Variants in TFEC observed in about 807,000 individuals in gnomAD.
TFEC encodes the protein transcription factor EC, also known as class E basic helix-loop-helix protein 34.
In TFEC, 31 loss-of-function variants were observed where a neutral mutation model predicts 41.6. The ratio of observed to expected loss-of-function variants is 0.74; its 90% CI spans 0.56 to 1.01. The LOEUF is 1.01. Ranked by LOEUF, TFEC falls within the 50% of genes least tolerant of loss-of-function variation. The pLI is 0.00. For missense variants in TFEC, 402 were observed against 404.1 expected (o/e 0.99, Z 0.04); for synonymous variants, 143 against 140.6 (o/e 1.02, Z -0.12).
At chr7:115,967,958 A>G (rs887271222) in intron 3 of TFEC, among the ~76,000 whole-genome samples, 2 of 151,780 alleles carry the variant, frequency 1.3e-5, no homozygotes, top group African/African-American at 2.4e-5. Flanking sequence ...GAGTTTGAAT[A>G]TTTTTTACTA....
At chr7:116,042,602 T>A (rs1196699698) in intron 3 of TFEC, among the ~76,000 whole-genome samples, 1 of 152,206 alleles carries the variant, frequency 6.6e-6, no homozygotes, top group African/African-American at 2.4e-5. Context: ...CTGTAATGAC[T>A]TTTTATTAAC....
intron 6 of TFEC, among the ~76,000 whole-genome samples, chr7:115,944,819 G>A (rs2130248802): frequency 6.6e-6 from 1 of 151,008 alleles, no homozygotes; most frequent in East Asian, 2.0e-4. Flanking sequence ...GCTTTATATA[G>A]TGACTTGGCA....
chr7:116,159,027 T>C (rs1449014243), intron 1 of TFEC, among the ~76,000 whole-genome samples: 1 of 151,862 alleles, frequency 6.6e-6, no homozygotes, highest in African/African-American at 2.4e-5. Flanking sequence ...ACTTGTGTTT[T>C]ATACCATTCA....
At chr7:116,057,146 A>G (rs896785149) in intron 3 of TFEC, among the ~76,000 whole-genome samples, 2 of 152,068 alleles carry the variant, frequency 1.3e-5, no homozygotes, top group Non-Finnish European at 2.9e-5. Flanking sequence ...CAACAACAAA[A>G]ATGGGCAAAG....
chr7:116,041,546 G>A (rs1796037201), intron 3 of TFEC, among the ~76,000 whole-genome samples: 1 of 152,124 alleles, frequency 6.6e-6, no homozygotes, highest in South Asian at 2.1e-4. Flanking sequence ...ATTTCAATTT[G>A]AAACAAGAGA....
At chr7:115,980,769 C>CAAAAAAAAACA (rs140528199) in intron 2 of TFEC, among the ~76,000 whole-genome samples, 1 of 147,928 alleles carries the variant, frequency 6.8e-6, no homozygotes, top group Admixed American at 6.7e-5. Context: ...CAAAACAAAA[C>CAAAAAAAAACA]AAAAAAAACA....
At chr7:116,041,774 TCA>T (rs1313392242) in intron 3 of TFEC, among the ~76,000 whole-genome samples, 1 of 152,154 alleles carries the variant, frequency 6.6e-6, no homozygotes, top group Non-Finnish European at 1.5e-5. Flanking sequence ...TCTTCCTGTT[TCA>T]GACACAGGTC....
At chr7:116,133,234 A>G (rs905729931) in intron 1 of TFEC, among the ~76,000 whole-genome samples, 6 of 142,118 alleles carry the variant, frequency 4.2e-5, no homozygotes, top group African/African-American at 1.6e-4. Context: ...TATGTACCAA[A>G]CGAAAATAAT....
At position 116,117,983 on chromosome 7, in the gene TFEC, G is replaced by A. The variant is rs190237998; in HGVS notation, c.-68-5945C>T. Reference sequence around the variant, plus strand: ...ACCGGCCTGAAAATTCTCAGTTGAGGGAAAAAGAAATTCAAAATCCTTGAA... The same window carrying A: ...ACCGGCCTGAAAATTCTCAGTTGAGAGAAAAAGAAATTCAAAATCCTTGAA... On this transcript the variant is annotated intron_variant, in intron 1 of 8. Coordinates refer to the TFEC transcript ENST00000484212. 7.4e-4 allele frequency among the ~76,000 whole-genome samples: 112 copies of A among 151,710 alleles called. 1 individual carries two copies. The highest frequency in any genetic ancestry group is 6.8e-3 in the Middle Eastern group (2 of 294).
intron 5 of TFEC, among the ~76,000 whole-genome samples, chr7:115,953,900 T>A (rs1019301601): frequency 1.3e-5 from 2 of 152,104 alleles, no homozygotes; most frequent in African/African-American, 4.8e-5. Context: ...TTATTTTAAT[T>A]TCATTCTACT....
At chr7:116,097,219 C>T (rs1009996687) in intron 3 of TFEC, among the ~76,000 whole-genome samples, 5 of 152,054 alleles carry the variant, frequency 3.3e-5, no homozygotes, top group Non-Finnish European at 5.9e-5. Flanking sequence ...GTATGTAGAC[C>T]GTGACAGTAG....
At chr7:115,967,785 T>C (rs1272981531) in intron 3 of TFEC, among the ~76,000 whole-genome samples, 1 of 151,774 alleles carries the variant, frequency 6.6e-6, no homozygotes, top group Non-Finnish European at 1.5e-5. Context: ...ATAGAAGAGA[T>C]AAAATATAAA....
chr7:115,967,381 G>A (rs1265841857), intron 3 of TFEC, among the ~76,000 whole-genome samples: 1 of 151,644 alleles, frequency 6.6e-6, no homozygotes, highest in Non-Finnish European at 1.5e-5. Flanking sequence ...AGACATAAAA[G>A]GAAAATAAAC....
At chr7:116,056,693 TTAAC>T (rs764052477) in intron 3 of TFEC, among the ~76,000 whole-genome samples, 5 of 152,106 alleles carry the variant, frequency 3.3e-5, no homozygotes, top group Non-Finnish European at 7.4e-5. Flanking sequence ...CAAACTCTCT[TTAAC>T]TAACTAAATT....
At chr7:116,108,770 A>G (rs998133776) in intron 3 of TFEC, among the ~76,000 whole-genome samples, 4 of 152,238 alleles carry the variant, frequency 2.6e-5, no homozygotes, top group Middle Eastern at 3.4e-3. Flanking sequence ...CTACCTACAC[A>G]CACTGTGATA....
chr7:115,980,353 A>G (rs1793571031), intron 2 of TFEC, among the ~76,000 whole-genome samples: 1 of 152,196 alleles, frequency 6.6e-6, no homozygotes, highest in African/African-American at 2.4e-5. Context: ...AGTGAAGAAG[A>G]AAGAGGAAGA....
At chr7:116,064,080 G>T (rs10270780) in intron 3 of TFEC, among the ~76,000 whole-genome samples, 3 of 151,770 alleles carry the variant, frequency 2.0e-5, no homozygotes, top group Admixed American at 6.6e-5. Flanking sequence ...GGGATGGAGC[G>T]GGGGGGCAGT....
At chr7:116,051,531 A>G (rs1226602518) in intron 3 of TFEC, among the ~76,000 whole-genome samples, 1 of 152,176 alleles carries the variant, frequency 6.6e-6, no homozygotes, top group Admixed American at 6.5e-5. Flanking sequence ...GCAATCCAAC[A>G]AGAATTGTTC....
intron 1 of TFEC, among the ~76,000 whole-genome samples, chr7:116,146,439 G>C (rs926362906): frequency 6.6e-6 from 1 of 152,214 alleles, no homozygotes; most frequent in African/African-American, 2.4e-5. Flanking sequence ...CCTCTGAGTG[G>C]AGGGCAGAAA....
Sources: gnomAD v4.1 joint callset for allele counts (sites outside exome capture counted in the v4.1 genomes callset) on GRCh38, gnomAD v4.1.1 for gene constraint, MANE v1.5 for transcripts, NCBI Gene and HGNC (gene_info 2026-07-23, HGNC 2026-07-21) for gene names.